MICALL2: variants seen among roughly 807,000 people sequenced by gnomAD.
MICALL2 encodes MICAL-like protein 2.
MICALL2 carries 111 observed loss-of-function variants against 91.1 expected under a neutral mutation model. The ratio of observed to expected loss-of-function variants is 1.22; its 90% CI spans 1.04 to 1.43. MICALL2 has a LOEUF of 1.43. Among genes scored for constraint, MICALL2 ranks in the 40% most tolerant of loss-of-function variants. The pLI is 0.00. For synonymous variants in MICALL2, 694 were observed against 525.3 expected (o/e 1.32, Z -4.39); for missense variants, 1,556 against 1,236.0 (o/e 1.26, Z -3.88).
At chr7:1,438,437 TCAGCA>T (rs887944867) in intron 10 of MICALL2, 84 bp from the exon 11 acceptor site, 103 of 1,532,308 alleles carry the variant, frequency 6.7e-5, no homozygotes, top group Admixed American at 5.9e-5. Flanking sequence ...GAGCCTGACC[TCAGCA>T]CAGCACAGCT....
At position 1,459,421 on chromosome 7, in the gene MICALL2, C is replaced by A; in HGVS notation, c.-95G>T. The A allele has an allele frequency of 2.5e-6, 3 of 1,210,342 alleles. No individual in the cohort carries two copies. The highest frequency in any genetic ancestry group is 2.0e-5 in the South Asian group (1 of 49,032). The allele number at this position is 1,210,342 out of a possible 1,614,324, so 75.0% of individuals were successfully genotyped here. A position where few individuals can be genotyped will look rare whatever the true frequency, so the allele number is the denominator to read the frequency against. On this transcript the variant is annotated 5_prime_UTR_variant, in exon 1 of 17. Coordinates refer to ENST00000297508, the MANE Select transcript of MICALL2 (RefSeq NM_182924.4). ...CGGCCGGCGGGACAGACGCTGGGAC[C>A]GCTACGGAACCGCCAGACCCACGGC...
rs185677733 is a variant in MICALL2, at chr7:1,437,045, G to A, written c.2477-189C>T. 9.3e-4 allele frequency: 474 copies of A among 511,494 alleles called. 3 individuals are homozygous for A. The highest frequency in any genetic ancestry group is 1.6e-4 in the Non-Finnish European group (48 of 292,720). 31.7% of individuals were successfully genotyped at this position (511,494 alleles called of 1,614,324 possible). On this transcript the variant is annotated intron_variant, in intron 14 of 16. Coordinates refer to ENST00000297508, the MANE Select transcript of MICALL2 (RefSeq NM_182924.4). The stretch of plus-strand genomic sequence containing the variant: ...AAGGAACGGCCACGTCAGAGCCCGT[G>A]TGCTGGGATCCTTCCCCATCATCTC...
intron 7 of MICALL2, chr7:1,440,918 C>G (rs1780250257): frequency 1.9e-6 from 1 of 531,046 alleles, no homozygotes. Flanking sequence ...GCCTCTGGGC[C>G]TCAACTTCCC....
chr7:1,450,999 G>A (rs915782029), intron 1 of MICALL2, among the ~76,000 whole-genome samples: 3 of 152,352 alleles, frequency 2.0e-5, no homozygotes, highest in East Asian at 1.9e-4. Flanking sequence ...ACACAGCGGG[G>A]AGACAGCTGC....
Position 1,446,799 on chromosome 7 carries a change from G to A in MICALL2, c.555C>T (p.Ser185=). 2 of 1,601,428 alleles carry A rather than the reference G, an allele frequency of 1.2e-6. No individual in the cohort carries two copies. The highest frequency in any genetic ancestry group is 1.7e-6 in the Non-Finnish European group (2 of 1,174,434). The stretch of plus-strand genomic sequence containing the variant: ...GCTTGCCGCAGACCCCGCAGGTGCT[G>A]CTGACCAAGCTGCCCGCCAATGCCT... ...TDQALAGSLV[S]STCGVCGKHV... is the part of the protein sequence containing the mutation. Residue 185 remains serine, a synonymous_variant, in exon 5 of 17, where the codon AGC becomes AGT. Transcript: ENST00000297508.
chr7:1,440,057 G>C lies in MICALL2; in HGVS notation c.1834C>G (p.Leu612Val). 7 of 1,586,512 alleles carry C rather than the reference G, an allele frequency of 4.4e-6. No homozygotes were observed. The highest frequency in any genetic ancestry group is 6.0e-6 in the Non-Finnish European group (7 of 1,171,264). The change falls in exon 9 of 17, where the codon CTG becomes GTG. Residue 612 changes from leucine to valine, a missense_variant. Transcript: ENST00000297508. ...RTLKPKEPRA[L>V]AEPRAGEAPR... ...GCCTCCCCCGCCCTCGGCTCTGCCA[G>C]GGCCCGTGGTTCCTTGGGCTTCAGA...
chr7:1,446,702 G>A lies in MICALL2; in HGVS notation c.641+11C>T, dbSNP rs767546870. ...TGCACACTCAGGCGTGCGGGCAGAGGGCAGCCCCACCTGAAGCAGCTCCGG... is the reference window on the plus strand; with the variant it reads ...TGCACACTCAGGCGTGCGGGCAGAGAGCAGCCCCACCTGAAGCAGCTCCGG... On this transcript the variant is annotated intron_variant, in intron 5 of 16. Coordinates refer to ENST00000297508, the MANE Select transcript of MICALL2 (RefSeq NM_182924.4). 2.5e-6 allele frequency: 4 copies of A among 1,570,594 alleles called. No individual in the cohort carries two copies. The highest frequency in any genetic ancestry group is 2.3e-5 in the East Asian group (1 of 43,134).
chr7:1,436,929 C>A lies in MICALL2; in HGVS notation c.2477-73G>T, dbSNP rs1779996420. On this transcript the variant is annotated intron_variant, in intron 14 of 16. Transcript: ENST00000297508. ...CCCTCACAGGACACAATGTCCCCAC[C>A]ACCCAAGCGCCAGGCTCCTCTTTTG... 8.9e-6 allele frequency: 10 copies of A among 1,122,900 alleles called. No homozygotes were observed. In the South Asian group the frequency reaches 1.4e-4, roughly 15 times the overall value. The allele number at this position is 1,122,900 out of a possible 1,614,324, so 69.6% of individuals were successfully genotyped here.
Position 1,459,267 on chromosome 7 carries a change from G to A in MICALL2, c.60C>T (p.Asp20=). 1 of 1,609,586 alleles carries A rather than the reference G, an allele frequency of 6.2e-7. No homozygotes were observed. Among genetic ancestry groups the A allele is most frequent in the Non-Finnish European group, 8.5e-7 (1 of 1,178,504 alleles). The change falls in exon 1 of 17, where the codon GAC becomes GAT. Residue 20 remains aspartate (D), a synonymous_variant. Coordinates refer to ENST00000297508, the MANE Select transcript of MICALL2 (RefSeq NM_182924.4). Reference sequence around the variant, plus strand: ...ACGTGGTCATGTTGCAGATATTCACGTCGCGGTAGCCCTCGCACTGCTGCC... The same window carrying A: ...ACGTGGTCATGTTGCAGATATTCACATCGCGGTAGCCCTCGCACTGCTGCC... The part of the protein sequence containing the change: ...WCRQQCEGYR[D]VNICNMTTSF...
At chr7:1,455,123 C>T (rs1780966796) in intron 1 of MICALL2, among the ~76,000 whole-genome samples, 1 of 152,236 alleles carries the variant, frequency 6.6e-6, no homozygotes, top group Non-Finnish European at 1.5e-5. Flanking sequence ...CAACGCCTGC[C>T]CTCCCTCCAG....
intron 8 of MICALL2, chr7:1,440,386 T>C (rs1780222721): frequency 1.6e-6 from 1 of 635,660 alleles, no homozygotes; most frequent in African/African-American, 1.8e-5. Flanking sequence ...GGTGCTGCCA[T>C]GCCCAGGTGA....
chr7:1,435,229 G>A, intron 15 of MICALL2, 82 bp from the exon 16 acceptor site: 1 of 1,457,502 alleles, frequency 6.9e-7, no homozygotes, highest in Non-Finnish European at 9.6e-7. Flanking sequence ...CTCCAGCAGT[G>A]GCACCCCAGC....
chr7:1,438,220 G>C lies in MICALL2; in HGVS notation c.2188C>G (p.Leu730Val). 1 of 1,587,888 alleles carries C rather than the reference G, an allele frequency of 6.3e-7. No individual in the cohort carries two copies. Among genetic ancestry groups the C allele is most frequent in the Non-Finnish European group, 8.6e-7 (1 of 1,167,294 alleles). The change falls in exon 12 of 17, where the codon CTG (leucine) becomes GTG (valine). Residue 730 changes from leucine (L) to valine (V), a missense_variant and splice_region_variant. Leu to Val is a conservative substitution (Grantham distance 32). Transcript: ENST00000297508. ...TCCGGGGAGAGGTAGTCGGGGTGCA[G>C]CTGGGAACGGAGGGGCGGTGAGGAT... ...PGETVTSPVR[L>V]HPDYLSPEEI...
In MICALL2 at chr7:1,451,812, G is replaced by A. The variant is rs1035372186; in HGVS notation, c.144-1524C>T. 5.3e-5 allele frequency among the ~76,000 whole-genome samples: 8 copies of A among 152,336 alleles called. No homozygotes were observed. In the East Asian group the frequency reaches 1.4e-3, roughly 26 times the overall value. ...GGTCTCAAACGGAGAAGTGGGGGCC[G>A]AGACCCCTGTGGCCACGCAGCCTGG... On this transcript the variant is annotated intron_variant, in intron 1 of 16. Transcript: ENST00000297508. The surrounding 1 kb of genome is among the most constrained non-coding windows in gnomAD (Gnocchi z 4.5).
At chr7:1,437,705 C>T in intron 13 of MICALL2, 97 bp from the exon 14 acceptor site, 1 of 1,377,852 alleles carries the variant, frequency 7.3e-7, no homozygotes, top group Non-Finnish European at 1.0e-6. Context: ...GCCACACAGA[C>T]ACGAGTCTGA....
At position 1,459,389 on chromosome 7, in the gene MICALL2, G is replaced by T. The variant is rs934484154; in HGVS notation, c.-63C>A. 2 of 1,289,500 alleles carry T rather than the reference G, an allele frequency of 1.6e-6. No homozygotes were observed. The highest frequency in any genetic ancestry group is 3.6e-5 in the South Asian group (2 of 55,660). The allele number at this position is 1,289,500 out of a possible 1,614,324, so 79.9% of individuals were successfully genotyped here. On this transcript the variant is annotated 5_prime_UTR_variant, in exon 1 of 17. Transcript: ENST00000297508. Reference sequence around the variant, plus strand: ...CGACACCTTCCCGCGGCTGTGCCGCGACCGCCCGGCCGGCGGGACAGACGC... The same window carrying T: ...CGACACCTTCCCGCGGCTGTGCCGCTACCGCCCGGCCGGCGGGACAGACGC...
At chr7:1,438,715 T>C in intron 10 of MICALL2, 125 bp downstream of exon 10, 1 of 1,490,474 alleles carries the variant, frequency 6.7e-7, no homozygotes, top group Non-Finnish European at 8.9e-7. Context: ...GGGTCCTTCC[T>C]CCAGGCTTTC....
chr7:1,455,916 G>A (rs886244957), intron 1 of MICALL2, among the ~76,000 whole-genome samples: 1 of 152,010 alleles, frequency 6.6e-6, no homozygotes, highest in Non-Finnish European at 1.5e-5. Flanking sequence ...CACAGAGTCT[G>A]ACCTCAGAGC....
intron 1 of MICALL2, among the ~76,000 whole-genome samples, chr7:1,458,579 C>T (rs1176364760): frequency 2.0e-5 from 3 of 152,246 alleles, no homozygotes; most frequent in Admixed American, 2.0e-4. Context: ...CCAAGACCCT[C>T]CTGGGGAGAG....
Sources: gnomAD v4.1 joint callset for allele counts (sites outside exome capture counted in the v4.1 genomes callset) on GRCh38, gnomAD v4.1.1 for gene constraint, Gnocchi (gnomAD v3.1) non-coding constraint, MANE v1.5 for transcripts, NCBI Gene and HGNC (gene_info 2026-07-23, HGNC 2026-07-21) for gene names.